Variants in CLUAP1 observed in about 807,000 individuals in gnomAD.
CLUAP1 encodes clusterin-associated protein 1.
A neutral mutation model predicts 55.0 loss-of-function variants in CLUAP1; 50 were observed. The ratio of observed to expected loss-of-function variants is 0.91; its 90% CI spans 0.72 to 1.15. CLUAP1 has a LOEUF of 1.15. Ranked by LOEUF, CLUAP1 falls within the 50% of genes most tolerant of loss-of-function variation. The pLI is 0.00. For missense variants in CLUAP1, 530 were observed against 507.6 expected (o/e 1.04, Z -0.42); for synonymous variants, 195 against 175.4 (o/e 1.11, Z -0.88).
At position 3,501,853 on chromosome 16, in the gene CLUAP1, C is replaced by A. The variant is rs74424523; in HGVS notation, c.22+764C>A. Among the ~76,000 whole-genome samples the A allele has an allele frequency of 4.5e-3, 690 of 152,138 alleles. 8 individuals carry two copies. The highest frequency in any genetic ancestry group is 0.016 in the African/African-American group (653 of 41,492). On this transcript the variant is annotated intron_variant, in intron 1 of 11. Coordinates refer to ENST00000576634, the MANE Select transcript of CLUAP1 (RefSeq NM_015041.3). ...GCTGGGTGATAATCATTGCGGCTAA[C>A]ATTTTTTGAGTTTTAACGATCTGCC...
At chr16:3,518,822 CCT>C (rs1488957415) in intron 6 of CLUAP1, among the ~76,000 whole-genome samples, 1 of 152,100 alleles carries the variant, frequency 6.6e-6, no homozygotes, top group Non-Finnish European at 1.5e-5. Context: ...ACACACCATG[CCT>C]GAGAGTTGTG....
chr16:3,512,211 G>A, intron 4 of CLUAP1, among the ~76,000 whole-genome samples, 172 bp from the exon 5 acceptor site: 1 of 151,680 alleles, frequency 6.6e-6, no homozygotes, highest in East Asian at 1.9e-4. Flanking sequence ...AAAAATCTGT[G>A]GCTGGCTGAA....
chr16:3,523,123 T>G, intron 7 of CLUAP1, 35 bp from the exon 8 acceptor site: 1 of 1,575,384 alleles, frequency 6.3e-7, no homozygotes, highest in Non-Finnish European at 8.6e-7. Context: ...TGCATATAAT[T>G]CACCTTTCCT....
chr16:3,528,120 C>G (rs57840029), intron 9 of CLUAP1, among the ~76,000 whole-genome samples: 2,647 of 152,314 alleles, frequency 0.017, 76 homozygotes, highest in African/African-American at 0.054. Context: ...CATCCCTGAA[C>G]TTCAGTGTCA....
intron 7 of CLUAP1, among the ~76,000 whole-genome samples, chr16:3,520,819 G>A (rs2151058024): frequency 6.6e-6 from 1 of 152,246 alleles, no homozygotes; most frequent in Admixed American, 6.5e-5. Flanking sequence ...ATATTTCCCA[G>A]GAATACCGAT....
At chr16:3,533,851 C>T (rs2038178082) in intron 11 of CLUAP1, 1 of 152,376 alleles carries the variant, frequency 6.6e-6, no homozygotes, top group Non-Finnish European at 1.5e-5. Flanking sequence ...CCACCCAAGA[C>T]AGAAGCAGAG....
Position 3,519,909 on chromosome 16 carries a change from G to A in CLUAP1, c.586G>A (p.Val196Ile). The stretch of plus-strand genomic sequence containing the variant: ...TATTTCCCATTAAATATAGACACAG[G>A]TTCAGAAGACTAAAGACCTGCTCAA... ...RIAIKEILTQVQKTKDLLNNV... is the reference protein window; with the variant it reads ...RIAIKEILTQIQKTKDLLNNV... The change falls in exon 7 of 12, where the codon GTT becomes ATT. Residue 196 changes from valine to isoleucine, a missense_variant. Transcript: ENST00000576634. The A allele has an allele frequency of 1.9e-6, 3 of 1,600,816 alleles. No homozygotes were observed. Among genetic ancestry groups the A allele is most frequent in the East Asian group, 2.2e-5 (1 of 44,774 alleles).
chr16:3,534,550 G>A (rs2038194161), intron 11 of CLUAP1: 1 of 152,526 alleles, frequency 6.6e-6, no homozygotes, highest in Non-Finnish European at 1.5e-5. Flanking sequence ...AGAGAAGCCA[G>A]TTAGGAGGCG....
chr16:3,511,921 T>A (rs1018954155), intron 4 of CLUAP1, among the ~76,000 whole-genome samples: 4 of 152,058 alleles, frequency 2.6e-5, no homozygotes, highest in African/African-American at 9.7e-5. Context: ...GCACGGTGGC[T>A]CACGCCTGTG....
At chr16:3,497,067 C>T (rs978353567), upstream of CLUAP1, among the ~76,000 whole-genome samples, 7 of 151,904 alleles carry the variant, frequency 4.6e-5, no homozygotes, top group African/African-American at 1.5e-4. Flanking sequence ...GACAGGCTTT[C>T]GCCATGTTGG....
upstream of CLUAP1, among the ~76,000 whole-genome samples, chr16:3,499,828 G>C (rs1013356850): frequency 6.6e-6 from 1 of 152,216 alleles, no homozygotes; most frequent in Non-Finnish European, 1.5e-5. Flanking sequence ...GACCAAACCA[G>C]AATGGAATCG....
chr16:3,533,106 C>T (rs1163502144), intron 11 of CLUAP1: 14 of 1,536,016 alleles, frequency 9.1e-6, no homozygotes, highest in Middle Eastern at 1.7e-4. Context: ...AAGATGGAAG[C>T]AGCACCAGCT....
At chr16:3,533,824 G>C (rs1596408137) in intron 11 of CLUAP1, 1 of 152,642 alleles carries the variant, frequency 6.6e-6, no homozygotes, top group East Asian at 1.9e-4. Flanking sequence ...ATGGTATACA[G>C]CGTCTCTCCG....
At chr16:3,497,765 A>G (rs529466940), upstream of CLUAP1, among the ~76,000 whole-genome samples, 201 of 152,276 alleles carry the variant, frequency 1.3e-3, no homozygotes, top group African/African-American at 3.7e-3. Flanking sequence ...CTGGGACTAC[A>G]GGTGTGCACC....
rs1567439629 is a variant in CLUAP1 at position 3,529,582 on chromosome 16, A to ATATTATATATTATATAATATTATATAT, written c.929-973_929-972insATAATATTATATATTATTATATATTAT. 9.7e-4 allele frequency among the ~76,000 whole-genome samples: 39 copies of ATATTATATATTATATAATATTATATAT among 40,170 alleles called. 1 individual carries two copies. The highest frequency in any genetic ancestry group is 3.7e-3 in the South Asian group (5 of 1,344). The allele number at this position is 40,170 out of a possible 152,430, so 26.4% of individuals were successfully genotyped here. On this transcript the variant is annotated intron_variant, in intron 9 of 11. Transcript: ENST00000576634. ...ATTATTATATATTATATATTATATA[A>ATATTATATATTATATAATATTATATAT]TATTATATATTATTATATATTATAT...
intron 5 of CLUAP1, 49 bp from the exon 6 acceptor site, chr16:3,515,459 G>T: frequency 1.5e-6 from 2 of 1,353,640 alleles, no homozygotes; most frequent in South Asian, 2.5e-5. Flanking sequence ...TACTGGTTTT[G>T]AGAACTCCTT....
intron 9 of CLUAP1, among the ~76,000 whole-genome samples, chr16:3,529,841 T>TA (rs2038076950): frequency 1.9e-5 from 1 of 51,608 alleles, no homozygotes; most frequent in South Asian, 4.8e-4. Context: ...TATAATATAT[T>TA]ATATAATATA....
At chr16:3,523,073 A>C in intron 7 of CLUAP1, 85 bp from the exon 8 acceptor site, 1 of 1,137,596 alleles carries the variant, frequency 8.8e-7, no homozygotes, top group Non-Finnish European at 1.2e-6. Flanking sequence ...AGAGAAAGCC[A>C]CCATGGAATC....
In CLUAP1 at chr16:3,525,340, G is replaced by T. The variant is rs529344723; in HGVS notation, c.856-1072G>T. Reference sequence around the variant, plus strand: ...CAGTATGCCTCAGAGTGGCAGGTAGGTGGCCCAGGAAACTTCCCAGGGAGC... The same window carrying T: ...CAGTATGCCTCAGAGTGGCAGGTAGTTGGCCCAGGAAACTTCCCAGGGAGC... On this transcript the variant is annotated intron_variant, in intron 8 of 11. Coordinates refer to ENST00000576634, the MANE Select transcript of CLUAP1 (RefSeq NM_015041.3). 3.3e-5 allele frequency among the ~76,000 whole-genome samples: 5 copies of T among 152,236 alleles called. No homozygotes were observed. In the South Asian group the frequency reaches 6.2e-4, roughly 19 times the overall value.
Sources: allele counts gnomAD v4.1 joint callset (sites outside exome capture counted in the v4.1 genomes callset), GRCh38; gene constraint gnomAD v4.1.1; transcripts MANE v1.5; gene names NCBI Gene and HGNC (gene_info 2026-07-23, HGNC 2026-07-21).